The following ITGB5 variants were observed in gnomAD, a reference collection of about 807,000 sequenced individuals.
ITGB5 encodes integrin subunit beta 5.
Under a neutral mutation model 84.8 loss-of-function variants are expected in ITGB5, and 38 were observed. The ratio of observed to expected loss-of-function variants is 0.45; its 90% CI spans 0.35 to 0.59. ITGB5 has a LOEUF of 0.59. Ranked by LOEUF, ITGB5 falls within the 20% of genes least tolerant of loss-of-function variation. The pLI is 0.01. For synonymous variants in ITGB5, 393 were observed against 414.4 expected (o/e 0.95, Z 0.63); for missense variants, 905 against 1,034.5 (o/e 0.87, Z 1.72).
intron 5 of ITGB5, 67 bp from the exon 6 acceptor site, chr3:124,821,541 ACT>A: frequency 2.6e-6 from 4 of 1,551,078 alleles, no homozygotes; most frequent in Non-Finnish European, 3.5e-6. Flanking sequence ...CATGCAGGGC[ACT>A]GGCCCCTCTC....
rs150158800 is a variant in ITGB5, at chr3:124,814,909, C to G, written c.1128+2712G>C. 3.9e-5 allele frequency among the ~76,000 whole-genome samples: 6 copies of G among 152,264 alleles called. No homozygotes were observed. In the East Asian group the frequency reaches 1.2e-3, roughly 29 times the overall value. On this transcript the variant is annotated intron_variant, in intron 8 of 14. Transcript: ENST00000296181. ...GGGAATTCGTGCCAGGTTCCAAAAG[C>G]AGCTCCAGCCCAGAACAACTGTTCC...
chr3:124,807,315 C>T (rs1294535037), intron 9 of ITGB5, among the ~76,000 whole-genome samples: 8 of 152,098 alleles, frequency 5.3e-5, no homozygotes, highest in Non-Finnish European at 8.8e-5. Context: ...ACTTGGGAGG[C>T]GGAGGCATGA....
upstream of ITGB5, among the ~76,000 whole-genome samples, chr3:124,891,968 GGAGT>G (rs1935010850): frequency 6.6e-6 from 1 of 151,256 alleles, no homozygotes; most frequent in African/African-American, 2.4e-5. Context: ...AAAGAGGGAG[GGAGT>G]GAGGAAGAGA....
At chr3:124,766,059 C>CAAAAAAAAAA (rs376914121) in intron 13 of ITGB5, among the ~76,000 whole-genome samples, 167 bp downstream of exon 13, 1 of 104,474 alleles carries the variant, frequency 9.6e-6, no homozygotes, top group East Asian at 2.8e-4. Context: ...CAGCCTGTGT[C>CAAAAAAAAAA]AAAAAAAAAA....
chr3:124,863,372 C>A (rs1395775944), intron 2 of ITGB5: 1 of 152,094 alleles, frequency 6.6e-6, no homozygotes, highest in Non-Finnish European at 1.5e-5. Context: ...ATTTTTGACC[C>A]GATAAGGAAA....
intron 5 of ITGB5, among the ~76,000 whole-genome samples, chr3:124,837,872 A>AGC (rs918743111): frequency 2.6e-5 from 4 of 152,218 alleles, no homozygotes; most frequent in African/African-American, 7.2e-5. Context: ...TAGAGCGTGC[A>AGC]GCGCTGCCGG....
At chr3:124,776,197 C>T (rs1329759961) in intron 10 of ITGB5, among the ~76,000 whole-genome samples, 4 of 152,220 alleles carry the variant, frequency 2.6e-5, no homozygotes, top group Non-Finnish European at 5.9e-5. Flanking sequence ...GGGCAATGGG[C>T]AGCATGAGCT....
intron 11 of ITGB5, among the ~76,000 whole-genome samples, chr3:124,771,408 T>C (rs916387834): frequency 6.6e-6 from 1 of 152,056 alleles, no homozygotes; most frequent in Non-Finnish European, 1.5e-5. Flanking sequence ...AAGTTCCACC[T>C]AGGCTGTGAA....
At chr3:124,865,449 T>C (rs1159236905) in intron 2 of ITGB5, among the ~76,000 whole-genome samples, 7 of 148,862 alleles carry the variant, frequency 4.7e-5, no homozygotes, top group African/African-American at 9.9e-5. Flanking sequence ...AGAATGGCAA[T>C]AGAAAGTTGA....
chr3:124,881,961 C>A (rs1183741999), intron 1 of ITGB5, among the ~76,000 whole-genome samples: 1 of 151,984 alleles, frequency 6.6e-6, no homozygotes, highest in Non-Finnish European at 1.5e-5. Context: ...GAGTGAGACT[C>A]CAATTAAAAA....
At chr3:124,839,430 C>T (rs2064982669) in intron 5 of ITGB5, among the ~76,000 whole-genome samples, 1 of 152,188 alleles carries the variant, frequency 6.6e-6, no homozygotes, top group Admixed American at 6.5e-5. Context: ...TTCTCAAAGA[C>T]CACTGTGGTC....
At chr3:124,854,357 A>C (rs2065194724) in intron 3 of ITGB5, among the ~76,000 whole-genome samples, 1 of 152,252 alleles carries the variant, frequency 6.6e-6, no homozygotes, top group Non-Finnish European at 1.5e-5. Flanking sequence ...ATTGTCCCAA[A>C]GTAGAAACAG....
intron 1 of ITGB5, among the ~76,000 whole-genome samples, chr3:124,881,861 G>A (rs1372536264): frequency 3.3e-5 from 5 of 152,076 alleles, no homozygotes; most frequent in Admixed American, 1.3e-4. Context: ...CCAGCTACTC[G>A]GGAGGCTGAG....
At chr3:124,809,922 C>T (rs535773651) in intron 8 of ITGB5, among the ~76,000 whole-genome samples, 72 of 152,264 alleles carry the variant, frequency 4.7e-4, no homozygotes, top group African/African-American at 1.7e-3. Context: ...AGTGAAAATT[C>T]GTGCAATCCT....
chr3:124,848,628 C>A, intron 3 of ITGB5, 70 bp from the exon 4 acceptor site: 1 of 1,510,032 alleles, frequency 6.6e-7, no homozygotes, highest in Non-Finnish European at 8.9e-7. Context: ...ATGGGATTTG[C>A]TTTCAAAGCT....
At chr3:124,804,529 A>C (rs55787121) in intron 9 of ITGB5, among the ~76,000 whole-genome samples, 9,106 of 152,152 alleles carry the variant, frequency 0.06, 432 homozygotes, top group African/African-American at 0.13. Context: ...GCCTGGTAAC[A>C]AGAGCAAGAC....
chr3:124,835,659 C>G (rs1164302809), intron 5 of ITGB5, among the ~76,000 whole-genome samples: 1 of 152,144 alleles, frequency 6.6e-6, no homozygotes, highest in Non-Finnish European at 1.5e-5. Flanking sequence ...TCAGGTGGTG[C>G]AGAGGTTTGA....
At chr3:124,824,738 A>G (rs72972595) in intron 5 of ITGB5, among the ~76,000 whole-genome samples, 2,794 of 152,148 alleles carry the variant, frequency 0.018, 76 homozygotes, top group African/African-American at 0.059. Context: ...ATTTGCACAG[A>G]CAATTCACCA....
At chr3:124,841,681 G>T in intron 4 of ITGB5, 130 bp from the exon 5 acceptor site, 1 of 777,112 alleles carries the variant, frequency 1.3e-6, no homozygotes, top group Non-Finnish European at 2.1e-6. Flanking sequence ...ACATGCCCCA[G>T]GACAGGCACA....
Sources: allele counts gnomAD v4.1 joint callset (sites outside exome capture counted in the v4.1 genomes callset), GRCh38; gene constraint gnomAD v4.1.1; transcripts MANE v1.5; gene names NCBI Gene and HGNC (gene_info 2026-07-23, HGNC 2026-07-21).